The following ANKRD29 variants were observed in gnomAD, a reference collection of about 807,000 sequenced individuals.
The protein encoded by ANKRD29 is ankyrin repeat domain-containing protein 29.
Under a neutral mutation model 38.0 loss-of-function variants are expected in ANKRD29, and 32 were observed. The ratio of observed to expected loss-of-function variants is 0.84; its 90% CI spans 0.64 to 1.13. The LOEUF (loss-of-function observed/expected upper bound fraction) is 1.13, where lower values mean the gene tolerates loss of function less well. ANKRD29 is among the 50% of genes most tolerant of loss of function. The probability of loss-of-function intolerance (pLI) is 0.00; values close to 1 mark genes in which losing one functional copy is unlikely to be tolerated. For missense variants in ANKRD29, 357 were observed against 377.9 expected, an observed-to-expected ratio of 0.94 and a Z score of 0.46; for synonymous variants, 135 against 152.4, an observed-to-expected ratio of 0.89 and a Z score of 0.84.
At position 23,601,377 on chromosome 18, in the gene ANKRD29, G is replaced by A; in HGVS notation, c.823-68C>T. On this transcript the variant is annotated intron_variant, in intron 9 of 9. Transcript: ENST00000592179. ...GTGTGGTTTTAGGGACTCCAAAGAG[G>A]GGCATTTGACCCACTCTTTCTCCTT... 3.0e-6 allele frequency: 4 copies of A among 1,343,656 alleles called. No homozygotes were observed. In the Admixed American group the frequency reaches 5.2e-5, roughly 17 times the overall value. The allele number at this position is 1,343,656 out of a possible 1,614,324, so 83.2% of individuals were successfully genotyped here.
At chr18:23,612,306 C>T in intron 8 of ANKRD29, 116 bp from the exon 9 acceptor site, 1 of 812,068 alleles carries the variant, frequency 1.2e-6, no homozygotes, top group South Asian at 1.8e-5. Flanking sequence ...CGTAACCTTC[C>T]TTATCTTGCC....
chr18:23,649,923 T>G (rs564516143), intron 1 of ANKRD29, among the ~76,000 whole-genome samples: 7 of 151,966 alleles, frequency 4.6e-5, no homozygotes, highest in Non-Finnish European at 8.8e-5. Flanking sequence ...AGAGACAGAG[T>G]TTCACCACGT....
rs767952480 is a variant in ANKRD29, at chr18:23,662,758, C to T, written c.-28G>A. The T allele has an allele frequency of 2.7e-6, 4 of 1,457,606 alleles. No individual in the cohort carries two copies. Among genetic ancestry groups the T allele is most frequent in the South Asian group, 2.6e-5 (2 of 75,796 alleles). The allele number at this position is 1,457,606 out of a possible 1,614,324, so 90.3% of individuals were successfully genotyped here. On this transcript the variant is annotated 5_prime_UTR_variant, in exon 1 of 10. Transcript: ENST00000592179. ...CCGCGGCCGCCCGAGCGGGAGCCGG[C>T]GCGCTTTGGGCCCGGGGCGCCTTGT...
In ANKRD29 at chr18:23,624,466, C is replaced by CAAAAAAAAAA. The variant is rs56005663; in HGVS notation, c.529-4847_529-4838dup. Among the ~76,000 whole-genome samples, 117 of 32,442 alleles carry CAAAAAAAAAA rather than the reference C, an allele frequency of 3.6e-3. 12 individuals are homozygous for CAAAAAAAAAA. The highest frequency in any genetic ancestry group is 5.2e-3 in the Non-Finnish European group (76 of 14,580). 21.3% of individuals were successfully genotyped at this position (32,442 alleles called of 152,430 possible). On this transcript the variant is annotated intron_variant, in intron 6 of 9. Transcript: ENST00000592179. ...TGGGCGACAGAGTGAGACTCCATCT[C>CAAAAAAAAAA]AAAAAAAAAAAAAAAAAAAAAAAAA...
chr18:23,649,587 C>A (rs2060185219), intron 1 of ANKRD29: 18 of 477,560 alleles, frequency 3.8e-5, no homozygotes, highest in South Asian at 2.8e-4. Context: ...TCTTTCCTCA[C>A]CTCTAAGTGG....
At chr18:23,641,742 AG>A (rs753910005) in intron 3 of ANKRD29, among the ~76,000 whole-genome samples, 91 of 152,238 alleles carry the variant, frequency 6.0e-4, no homozygotes, top group Non-Finnish European at 9.3e-4. Flanking sequence ...CCTCTGACTC[AG>A]CCAGATTCAA....
At chr18:23,627,585 A>G (rs1298736795) in intron 6 of ANKRD29, among the ~76,000 whole-genome samples, 1 of 152,226 alleles carries the variant, frequency 6.6e-6, no homozygotes, top group African/African-American at 2.4e-5. Context: ...TGGCTCATGC[A>G]ACATTTGAAA....
intron 8 of ANKRD29, among the ~76,000 whole-genome samples, chr18:23,615,500 C>T (rs549452567): frequency 9.5e-4 from 145 of 152,160 alleles, no homozygotes; most frequent in African/African-American, 3.4e-3. Flanking sequence ...GCTTCATTTC[C>T]CAGGCTCAAG....
intron 3 of ANKRD29, among the ~76,000 whole-genome samples, chr18:23,640,301 G>T (rs2060057553): frequency 6.6e-6 from 1 of 152,160 alleles, no homozygotes; most frequent in African/African-American, 2.4e-5. Context: ...TGGACTTCTG[G>T]CCTCCAGATC....
chr18:23,641,436 CTGTCTG>C (rs1265945677), intron 3 of ANKRD29, among the ~76,000 whole-genome samples: 4 of 152,388 alleles, frequency 2.6e-5, no homozygotes, highest in Admixed American at 2.6e-4. Context: ...AGCCTGGGTG[CTGTCTG>C]TCATGACCTG....
intron 9 of ANKRD29, among the ~76,000 whole-genome samples, chr18:23,606,462 T>TCA (rs1217543088): frequency 6.6e-6 from 1 of 152,208 alleles, no homozygotes; most frequent in Non-Finnish European, 1.5e-5. Context: ...AATTCTTTTT[T>TCA]AAAATTGTAA....
chr18:23,640,988 G>C (rs1375241528), intron 3 of ANKRD29, among the ~76,000 whole-genome samples: 1 of 152,148 alleles, frequency 6.6e-6, no homozygotes, highest in East Asian at 1.9e-4. Flanking sequence ...GTGCATGCAT[G>C]TGTGGGATGG....
At chr18:23,637,014 C>G (rs924487406) in intron 4 of ANKRD29, among the ~76,000 whole-genome samples, 1 of 152,224 alleles carries the variant, frequency 6.6e-6, no homozygotes, top group African/African-American at 2.4e-5. Context: ...TGGATACCTG[C>G]AGCTGACCTA....
chr18:23,621,841 AT>A (rs567855667), intron 6 of ANKRD29, among the ~76,000 whole-genome samples: 28 of 151,018 alleles, frequency 1.9e-4, no homozygotes, highest in African/African-American at 3.7e-4. Context: ...TGCCCAGCTA[AT>A]TTTTTTTTCT....
At chr18:23,646,396 G>C (rs774930379) in intron 2 of ANKRD29, 109 bp from the exon 3 acceptor site, 190 of 850,990 alleles carry the variant, frequency 2.2e-4, no homozygotes, top group Middle Eastern at 6.7e-4. Context: ...ACATCCAAGG[G>C]CAAAATTCCC....
intron 4 of ANKRD29, among the ~76,000 whole-genome samples, chr18:23,636,195 TG>T (rs2060000801): frequency 6.6e-6 from 1 of 152,068 alleles, no homozygotes; most frequent in Non-Finnish European, 1.5e-5. Flanking sequence ...TGGCTGCAGT[TG>T]TGCAATCATG....
intron 7 of ANKRD29, among the ~76,000 whole-genome samples, chr18:23,619,091 G>A (rs143156014): frequency 6.6e-6 from 1 of 152,350 alleles, no homozygotes; most frequent in Non-Finnish European, 1.5e-5. Flanking sequence ...GTATTAGGTG[G>A]CACCAGCAGA....
At chr18:23,611,711 C>A (rs1283329723) in intron 9 of ANKRD29, among the ~76,000 whole-genome samples, 2 of 151,650 alleles carry the variant, frequency 1.3e-5, no homozygotes, top group Non-Finnish European at 2.9e-5. Context: ...CCATTGATAG[C>A]GCCCTCACCC....
intron 1 of ANKRD29, among the ~76,000 whole-genome samples, chr18:23,650,811 C>T (rs952731446): frequency 1.3e-5 from 2 of 152,188 alleles, no homozygotes; most frequent in Non-Finnish European, 2.9e-5. Flanking sequence ...CCTCTATTTA[C>T]TTTTCTTTAC....
Sources: allele counts gnomAD v4.1 joint callset (sites outside exome capture counted in the v4.1 genomes callset), GRCh38; gene constraint gnomAD v4.1.1; transcripts MANE v1.5; gene names NCBI Gene and HGNC (gene_info 2026-07-23, HGNC 2026-07-21).